Variants in INPP4B observed in about 807,000 individuals in gnomAD.
INPP4B encodes inositol polyphosphate 4-phosphatase type II.
A neutral mutation model predicts 122.5 loss-of-function variants in INPP4B; 55 were observed. The observed-to-expected ratio is 0.45, with a 90% CI of 0.36 to 0.56. The LOEUF (loss-of-function observed/expected upper bound fraction) is 0.56. INPP4B is among the 20% of genes least tolerant of loss of function. The pLI is 0.00. For synonymous variants in INPP4B, 403 were observed against 388.7 expected, an observed-to-expected ratio of 1.04 and a Z score of -0.43; for missense variants, 1,000 against 1,097.7, an observed-to-expected ratio of 0.91 and a Z score of 1.26.
chr4:142,325,618 A>C (rs1030165771), intron 7 of INPP4B, among the ~76,000 whole-genome samples: 2 of 152,198 alleles, frequency 1.3e-5, no homozygotes, highest in African/African-American at 4.8e-5. Context: ...AAGACAAATA[A>C]AAGCACTCTT....
chr4:142,829,224 T>C (rs2151177293), intron 1 of INPP4B, among the ~76,000 whole-genome samples: 1 of 152,166 alleles, frequency 6.6e-6, no homozygotes, highest in Middle Eastern at 3.4e-3. Context: ...GATTCACTCT[T>C]CTCAGCTTTT....
chr4:142,328,402 C>T (rs1471548682), intron 7 of INPP4B, among the ~76,000 whole-genome samples: 1 of 152,146 alleles, frequency 6.6e-6, no homozygotes, highest in African/African-American at 2.4e-5. Context: ...CAAGTGTGAT[C>T]CAATCAGATC....
intron 7 of INPP4B, among the ~76,000 whole-genome samples, chr4:142,402,519 T>C (rs562457816): frequency 2.6e-5 from 4 of 152,226 alleles, no homozygotes; most frequent in Admixed American, 2.0e-4. Flanking sequence ...TCAAGAAAAA[T>C]GTAGTCAGTT....
intron 2 of INPP4B, among the ~76,000 whole-genome samples, chr4:142,665,825 C>A (rs1755948640): frequency 6.6e-6 from 1 of 151,856 alleles, no homozygotes; most frequent in Non-Finnish European, 1.5e-5. Flanking sequence ...TACAGTAGTC[C>A]CCTCTTGTCC....
chr4:142,653,161 G>A (rs1580630611), intron 2 of INPP4B, among the ~76,000 whole-genome samples: 1 of 152,136 alleles, frequency 6.6e-6, no homozygotes, highest in Non-Finnish European at 1.5e-5. Context: ...GGGAAAACTG[G>A]CTAGCCATAT....
chr4:142,751,766 G>A (rs936387586), intron 1 of INPP4B, among the ~76,000 whole-genome samples: 6 of 151,992 alleles, frequency 3.9e-5, no homozygotes, highest in Non-Finnish European at 5.9e-5. Context: ...CGATAGACAC[G>A]ATTCTATCAC....
intron 2 of INPP4B, among the ~76,000 whole-genome samples, chr4:142,648,188 T>C (rs1752198649): frequency 6.6e-6 from 1 of 152,154 alleles, no homozygotes; most frequent in Non-Finnish European, 1.5e-5. Context: ...AGCAGAAAAA[T>C]ATGAAAGTGC....
intron 2 of INPP4B, among the ~76,000 whole-genome samples, chr4:142,564,108 A>T (rs1157742150): frequency 1.3e-5 from 2 of 152,236 alleles, no homozygotes; most frequent in East Asian, 3.9e-4. Flanking sequence ...CCCGCAAGTC[A>T]GTTAGTTATT....
At chr4:142,683,165 T>C (rs1305147731) in intron 2 of INPP4B, among the ~76,000 whole-genome samples, 9 of 151,954 alleles carry the variant, frequency 5.9e-5, no homozygotes, top group Admixed American at 5.9e-4. Flanking sequence ...TGTAATTAAA[T>C]GTTGTCACCC....
intron 8 of INPP4B, among the ~76,000 whole-genome samples, chr4:142,310,747 A>G (rs1765229076): frequency 6.6e-6 from 1 of 151,980 alleles, no homozygotes. Flanking sequence ...GAAGAGAAAA[A>G]GACCAAGTGA....
intron 25 of INPP4B, among the ~76,000 whole-genome samples, chr4:142,075,783 C>T (rs1333021182): frequency 1.3e-5 from 2 of 151,982 alleles, no homozygotes; most frequent in African/African-American, 4.8e-5. Flanking sequence ...GGAGCATCAT[C>T]TCGCCTTCAC....
intron 2 of INPP4B, among the ~76,000 whole-genome samples, chr4:142,605,971 T>A (rs751543036): frequency 4.6e-5 from 7 of 152,036 alleles, no homozygotes; most frequent in Non-Finnish European, 8.8e-5. Context: ...CTATTCAGAA[T>A]AGCAAAGATA....
At chr4:142,550,572 A>G (rs1228770199) in intron 2 of INPP4B, among the ~76,000 whole-genome samples, 2 of 149,002 alleles carry the variant, frequency 1.3e-5, no homozygotes, top group Non-Finnish European at 3.0e-5. Flanking sequence ...CACTTTCATC[A>G]TTATATATGT....
chr4:142,641,248 C>T (rs537696618), intron 2 of INPP4B, among the ~76,000 whole-genome samples: 311 of 151,912 alleles, frequency 2.0e-3, no homozygotes, highest in African/African-American at 6.8e-3. Context: ...CTATACAGCA[C>T]CAAAACTTTT....
intron 2 of INPP4B, among the ~76,000 whole-genome samples, chr4:142,623,981 G>A (rs367787449): frequency 0.013 from 2,041 of 152,110 alleles, 36 homozygotes; most frequent in African/African-American, 0.038. Context: ...TTGGACATTT[G>A]GGTTGGTTCC....
At chr4:142,174,846 G>T (rs889662532) in intron 15 of INPP4B, among the ~76,000 whole-genome samples, 1 of 151,978 alleles carries the variant, frequency 6.6e-6, no homozygotes. Flanking sequence ...GCACAGACTG[G>T]TCTTGAATGC....
intron 5 of INPP4B, chr4:142,427,035 G>A (rs1156476754): frequency 2.0e-5 from 3 of 152,058 alleles, no homozygotes; most frequent in Non-Finnish European, 2.9e-5. Flanking sequence ...ATTGGGAAAT[G>A]AATAGAAGTT....
At chr4:142,154,758 C>T (rs1816276243) in intron 17 of INPP4B, among the ~76,000 whole-genome samples, 1 of 152,110 alleles carries the variant, frequency 6.6e-6, no homozygotes, top group African/African-American at 2.4e-5. Flanking sequence ...TCAAAATAAT[C>T]TGCAGACAAA....
At chr4:142,795,402 G>A (rs1240814956) in intron 1 of INPP4B, 1 of 151,980 alleles carries the variant, frequency 6.6e-6, no homozygotes, top group Non-Finnish European at 1.5e-5. Context: ...AGTGGTGGGT[G>A]TGTCAGAAAC....
Sources: gnomAD v4.1 joint callset for allele counts (sites outside exome capture counted in the v4.1 genomes callset) on GRCh38, gnomAD v4.1.1 for gene constraint, MANE v1.5 for transcripts, NCBI Gene and HGNC (gene_info 2026-07-23, HGNC 2026-07-21) for gene names.